The following PCSK5 variants were observed in gnomAD, a reference collection of about 807,000 sequenced individuals.
The protein encoded by PCSK5 is prohormone convertase 5.
PCSK5 carries 129 observed loss-of-function variants against 233.2 expected under a neutral mutation model. That is an observed-to-expected ratio of 0.55 (90% confidence interval 0.48 to 0.64). The LOEUF (loss-of-function observed/expected upper bound fraction) is 0.64. Ranked by LOEUF, PCSK5 falls within the 30% of genes least tolerant of loss-of-function variation. The pLI is 0.00. For synonymous variants in PCSK5, 825 were observed against 879.2 expected (o/e 0.94, Z 1.09); for missense variants, 2,076 against 2,430.1 (o/e 0.85, Z 3.06).
At chr9:75,920,411 C>T (rs1174955190) in intron 1 of PCSK5, among the ~76,000 whole-genome samples, 1 of 152,106 alleles carries the variant, frequency 6.6e-6, no homozygotes, top group Non-Finnish European at 1.5e-5. Flanking sequence ...GCCTCGGCCT[C>T]CCAAAGTGCT....
At chr9:76,174,392 C>T (rs1218290149) in intron 13 of PCSK5, among the ~76,000 whole-genome samples, 2 of 151,788 alleles carry the variant, frequency 1.3e-5, no homozygotes, top group Non-Finnish European at 2.9e-5. Context: ...CTGCAACCTC[C>T]GCCTCCCAGG....
At chr9:76,092,627 G>A (rs1831342432) in intron 7 of PCSK5, among the ~76,000 whole-genome samples, 2 of 152,182 alleles carry the variant, frequency 1.3e-5, no homozygotes, top group South Asian at 2.1e-4. Context: ...TCTAAGTGCT[G>A]GGATTACAGG....
Position 76,323,229 on chromosome 9 carries a change from T to A in PCSK5, c.4280T>A (p.Leu1427Gln). The change falls in exon 32 of 38, where the codon CTG (leucine) becomes CAG (glutamine). Residue 1427 changes from leucine to glutamine, a missense_variant. This residue lies in a region of PCSK5 where 1,510 missense variants were observed against 1,538.1 expected (regional missense o/e 0.98). Transcript: ENST00000674117. ...AGTTCCTGGGTCCTCTATGATGGAC[T>A]GTGCTTGGAGGAGTGTCCAGCAGGA... The part of the protein sequence containing the change: ...LESSWVLYDG[L>Q]CLEECPAGTY... 6.2e-7 allele frequency: 1 copy of A among 1,612,796 alleles called. No homozygotes were observed. Among genetic ancestry groups the A allele is most frequent in the Non-Finnish European group, 8.5e-7 (1 of 1,179,820 alleles).
chr9:76,046,969 A>T (rs1184023615), intron 5 of PCSK5, among the ~76,000 whole-genome samples: 2 of 152,250 alleles, frequency 1.3e-5, no homozygotes, highest in Admixed American at 6.5e-5. Flanking sequence ...GAAGAAAAGA[A>T]AAGCAGACAT....
chr9:76,354,682 T>A (rs992895315), intron 37 of PCSK5, among the ~76,000 whole-genome samples: 17 of 152,034 alleles, frequency 1.1e-4, no homozygotes, highest in Non-Finnish European at 2.4e-4. Context: ...AAGGCTGAGG[T>A]GAGAGGATCT....
At position 76,184,671 on chromosome 9, in the gene PCSK5, A is replaced by G; in HGVS notation, c.2198-2A>G. ...TTTACAACTTTCTCTTTTTTTTAAC[A>G]GAGAAAAATCTTTGCCGGAAATGCA... On this transcript the variant is annotated splice_acceptor_variant, in intron 16 of 37. Coordinates refer to ENST00000674117, the MANE Select transcript of PCSK5 (RefSeq NM_001372043.1). LOFTEE classifies it high-confidence loss of function. 1 of 1,598,662 alleles carries G rather than the reference A, an allele frequency of 6.3e-7. No individual in the cohort carries two copies. The highest frequency in any genetic ancestry group is 8.6e-7 in the Non-Finnish European group (1 of 1,168,194).
intron 8 of PCSK5, among the ~76,000 whole-genome samples, chr9:76,100,038 A>G (rs1051316725): frequency 1.3e-5 from 2 of 152,232 alleles, no homozygotes; most frequent in African/African-American, 4.8e-5. Context: ...ATACGCAAAC[A>G]GGAAAGCCTT....
chr9:75,952,312 C>A (rs2131326693), intron 2 of PCSK5, among the ~76,000 whole-genome samples: 1 of 152,142 alleles, frequency 6.6e-6, no homozygotes, highest in East Asian at 1.9e-4. Flanking sequence ...AGTCTATATC[C>A]CTGTCAAGAT....
chr9:76,232,607 A>G (rs1360252871), intron 21 of PCSK5, among the ~76,000 whole-genome samples: 1 of 152,174 alleles, frequency 6.6e-6, no homozygotes. Flanking sequence ...AGCTCACTTC[A>G]TCGATTCATA....
At chr9:76,035,034 G>A (rs1828802717) in intron 5 of PCSK5, among the ~76,000 whole-genome samples, 1 of 152,112 alleles carries the variant, frequency 6.6e-6, no homozygotes, top group Non-Finnish European at 1.5e-5. Flanking sequence ...TTAATTGTCT[G>A]TCTTGCCCTC....
chr9:76,249,750 G>A (rs1193106496), intron 24 of PCSK5, among the ~76,000 whole-genome samples: 1 of 152,164 alleles, frequency 6.6e-6, no homozygotes, highest in Non-Finnish European at 1.5e-5. Context: ...CAGAAAGTAA[G>A]GAGGTGCTCA....
intron 30 of PCSK5, among the ~76,000 whole-genome samples, chr9:76,316,152 G>C (rs970408469): frequency 6.6e-6 from 1 of 152,014 alleles, no homozygotes; most frequent in African/African-American, 2.4e-5. Flanking sequence ...AGGTGGGCCT[G>C]ATCTTACAAA....
At chr9:75,961,627 G>C (rs1044666312) in intron 2 of PCSK5, among the ~76,000 whole-genome samples, 1 of 152,178 alleles carries the variant, frequency 6.6e-6, no homozygotes, top group East Asian at 1.9e-4. Context: ...TATTTCAACT[G>C]TCAATTTTAT....
intron 24 of PCSK5, among the ~76,000 whole-genome samples, chr9:76,274,649 C>A (rs1165477996): frequency 2.0e-5 from 3 of 152,152 alleles, no homozygotes; most frequent in Admixed American, 2.0e-4. Flanking sequence ...CTAGAACACA[C>A]AAGTAACATG....
At chr9:76,347,097 T>G (rs1830000649) in intron 35 of PCSK5, among the ~76,000 whole-genome samples, 1 of 152,258 alleles carries the variant, frequency 6.6e-6, no homozygotes, top group Admixed American at 6.5e-5. Flanking sequence ...CATTTTTGTT[T>G]TTTGATTTTG....
chr9:76,097,656 T>G (rs557999178), intron 8 of PCSK5, among the ~76,000 whole-genome samples: 1 of 152,370 alleles, frequency 6.6e-6, no homozygotes, highest in African/African-American at 2.4e-5. Context: ...CAAATTAATC[T>G]GTCTGTCTCA....
chr9:76,290,210 T>C (rs1474615258), intron 24 of PCSK5, among the ~76,000 whole-genome samples: 1 of 152,124 alleles, frequency 6.6e-6, no homozygotes, highest in Non-Finnish European at 1.5e-5. Flanking sequence ...TAATGGAAAA[T>C]GAACTAGTCC....
At chr9:76,168,210 G>A (rs1823168988) in intron 12 of PCSK5, among the ~76,000 whole-genome samples, 2 of 152,126 alleles carry the variant, frequency 1.3e-5, no homozygotes, top group African/African-American at 4.8e-5. Flanking sequence ...GGAGTGCAGT[G>A]GCATGATCTA....
intron 3 of PCSK5, among the ~76,000 whole-genome samples, chr9:76,013,283 G>A (rs552939194): frequency 2.6e-5 from 4 of 152,300 alleles, no homozygotes; most frequent in South Asian, 2.1e-4. Flanking sequence ...TAATGATCAT[G>A]TGTCCATCAC....
Sources: allele counts gnomAD v4.1 joint callset (sites outside exome capture counted in the v4.1 genomes callset), GRCh38; gene constraint gnomAD v4.1.1; regional missense constraint gnomAD v4.1.1; transcripts MANE v1.5; gene names NCBI Gene and HGNC (gene_info 2026-07-23, HGNC 2026-07-21).